The following DPT variants were observed in gnomAD, a reference collection of about 807,000 sequenced individuals.
DPT encodes the protein dermatopontin, also known as tyrosine-rich acidic matrix protein.
Under a neutral mutation model 31.2 loss-of-function variants are expected in DPT, and 21 were observed. The ratio of observed to expected loss-of-function variants is 0.67; its 90% confidence interval spans 0.48 to 0.97. The LOEUF (loss-of-function observed/expected upper bound fraction) is 0.97. Among genes scored for constraint, DPT ranks in the 50% least tolerant of loss-of-function variants. The pLI is 0.00. For synonymous variants in DPT, 91 were observed against 86.9 expected (o/e 1.05, Z -0.26); for missense variants, 262 against 258.8 (o/e 1.01, Z -0.08).
intron 1 of DPT, among the ~76,000 whole-genome samples, chr1:168,728,182 C>T (rs1650291654): frequency 6.6e-6 from 1 of 152,218 alleles, no homozygotes; most frequent in African/African-American, 2.4e-5. Flanking sequence ...GCACCTCTCT[C>T]CAAAACCCTT....
At chr1:168,722,580 C>T (rs1175973944) in intron 1 of DPT, among the ~76,000 whole-genome samples, 3 of 152,192 alleles carry the variant, frequency 2.0e-5, no homozygotes, top group African/African-American at 7.2e-5. Context: ...ATGAGCTTCT[C>T]ACCACGATCA....
chr1:168,700,860 T>G (rs1263438829), intron 3 of DPT, among the ~76,000 whole-genome samples, 157 bp downstream of exon 3: 2 of 151,738 alleles, frequency 1.3e-5, no homozygotes, highest in East Asian at 1.9e-4. Flanking sequence ...GAAATATATG[T>G]GCATGTAAGA....
chr1:168,714,988 T>A (rs1166076488), intron 1 of DPT, among the ~76,000 whole-genome samples: 1 of 151,186 alleles, frequency 6.6e-6, no homozygotes, highest in African/African-American at 2.4e-5. Context: ...TACACAGCCA[T>A]GGCATGTTTT....
chr1:168,696,220 A>G lies in DPT; in HGVS notation c.*329T>C, dbSNP rs1245140479. 1 of 431,912 alleles carries G rather than the reference A, an allele frequency of 2.3e-6. No homozygotes were observed. Among genetic ancestry groups the G allele is most frequent in the South Asian group, 8.1e-5 (1 of 12,356 alleles). 26.8% of individuals were successfully genotyped at this position (431,912 alleles called of 1,614,324 possible). The stretch of plus-strand genomic sequence containing the variant: ...ACTTGCAGTTCATTCTGCAGTAAAA[A>G]GCAGTAGCCAGGCTGCAGCTGGTGC... On this transcript the variant is annotated 3_prime_UTR_variant, in exon 4 of 4. Transcript: ENST00000367817.
intron 1 of DPT, 35 bp downstream of exon 1, chr1:168,728,835 C>T (rs776840064): frequency 2.5e-6 from 4 of 1,603,526 alleles, no homozygotes; most frequent in Non-Finnish European, 3.4e-6. Context: ...CAGAGATGTT[C>T]CCAGCCCCAG....
At chr1:168,725,733 G>A (rs1650227503) in intron 1 of DPT, among the ~76,000 whole-genome samples, 1 of 152,200 alleles carries the variant, frequency 6.6e-6, no homozygotes, top group Admixed American at 6.5e-5. Flanking sequence ...ACTCAGCTAT[G>A]ATGGCAACAC....
intron 2 of DPT, among the ~76,000 whole-genome samples, 164 bp from the exon 3 acceptor site, chr1:168,701,288 A>G (rs543546330): frequency 6.6e-6 from 1 of 152,302 alleles, no homozygotes; most frequent in African/African-American, 2.4e-5. Context: ...GAAGAAACAG[A>G]CAGCTCTCCT....
At chr1:168,719,674 C>T (rs543711153) in intron 1 of DPT, among the ~76,000 whole-genome samples, 3 of 152,020 alleles carry the variant, frequency 2.0e-5, no homozygotes, top group East Asian at 1.9e-4. Context: ...AATACGATGG[C>T]TAATATCCTG....
At position 168,714,205 on chromosome 1, in the gene DPT, C is replaced by A; in HGVS notation, c.431+16G>T. The A allele has an allele frequency of 1.9e-6, 3 of 1,613,838 alleles. No individual in the cohort carries two copies. In the South Asian group the frequency reaches 3.3e-5, roughly 18 times the overall value. On this transcript the variant is annotated intron_variant, in intron 2 of 3. Transcript: ENST00000367817. ...ACCCCAGGAGTCATGAGGGTTTGGT[C>A]GGCTGCCAGACTCACCAGCAGGAAT...
At chr1:168,703,899 A>G (rs997824173) in intron 2 of DPT, among the ~76,000 whole-genome samples, 1 of 152,216 alleles carries the variant, frequency 6.6e-6, no homozygotes, top group African/African-American at 2.4e-5. Flanking sequence ...ATGTGGCTGC[A>G]TTTAGCGCTT....
At position 168,695,583 on chromosome 1, in the gene DPT, A is replaced by G. The variant is rs1254626500; in HGVS notation, c.*966T>C. 6.6e-6 allele frequency: 1 copy of G among 152,314 alleles called. No homozygotes were observed. Among genetic ancestry groups the G allele is most frequent in the Admixed American group, 6.5e-5 (1 of 15,290 alleles). 9.4% of individuals were successfully genotyped at this position (152,314 alleles called of 1,614,324 possible). A position where few individuals can be genotyped will look rare whatever the true frequency, so the allele number is the denominator to read the frequency against. ...CTCTGCAGAAGAACTCCTGAGCCAC[A>G]CACAGAAGGAAAGTTGATCCCCAGG... On this transcript the variant is annotated 3_prime_UTR_variant, in exon 4 of 4. Coordinates refer to ENST00000367817, the MANE Select transcript of DPT (RefSeq NM_001937.5).
chr1:168,699,255 A>G (rs1339678861), intron 3 of DPT, among the ~76,000 whole-genome samples: 1 of 152,074 alleles, frequency 6.6e-6, no homozygotes, highest in East Asian at 1.9e-4. Flanking sequence ...TTCGTTTTGC[A>G]CTTTGGGGAG....
chr1:168,698,188 C>T (rs580360), intron 3 of DPT, among the ~76,000 whole-genome samples: 71,983 of 151,934 alleles, frequency 0.47, 17,340 homozygotes, highest in African/African-American at 0.55. Flanking sequence ...CTCAAACAGC[C>T]TAAGGCAGGC....
intron 2 of DPT, among the ~76,000 whole-genome samples, chr1:168,709,869 T>G (rs1178339875): frequency 6.6e-6 from 1 of 152,168 alleles, no homozygotes; most frequent in Non-Finnish European, 1.5e-5. Context: ...CTTCACTCTG[T>G]AAGGCTGTTA....
At chr1:168,704,419 A>G (rs1286081949) in intron 2 of DPT, among the ~76,000 whole-genome samples, 7 of 152,208 alleles carry the variant, frequency 4.6e-5, no homozygotes, top group Non-Finnish European at 1.0e-4. Context: ...AATTTTAGCT[A>G]TTACTTAATT....
chr1:168,727,117 G>A (rs1572634669), intron 1 of DPT, among the ~76,000 whole-genome samples: 1 of 152,348 alleles, frequency 6.6e-6, no homozygotes, highest in East Asian at 1.9e-4. Flanking sequence ...ATCTGGTCCT[G>A]TGGCACTGGC....
intron 2 of DPT, among the ~76,000 whole-genome samples, chr1:168,713,322 C>G (rs1476060777): frequency 1.3e-5 from 2 of 152,184 alleles, no homozygotes; most frequent in African/African-American, 2.4e-5. Flanking sequence ...AAACGTTAAG[C>G]TTTTGGGGCT....
intron 2 of DPT, among the ~76,000 whole-genome samples, chr1:168,702,026 T>C (rs996713919): frequency 1.2e-4 from 19 of 152,034 alleles, no homozygotes; most frequent in African/African-American, 2.4e-4. Context: ...AGTAGGTCCA[T>C]GGTAGTCCAT....
chr1:168,708,163 G>A (rs950344388), intron 2 of DPT, among the ~76,000 whole-genome samples: 9 of 152,056 alleles, frequency 5.9e-5, no homozygotes, highest in Admixed American at 3.3e-4. Context: ...TTTTGTATTT[G>A]TATCATTTTT....
Sources: allele counts gnomAD v4.1 joint callset (sites outside exome capture counted in the v4.1 genomes callset), GRCh38; gene constraint gnomAD v4.1.1; transcripts MANE v1.5; gene names NCBI Gene and HGNC (gene_info 2026-07-23, HGNC 2026-07-21).